PTPRJ: variants seen among roughly 807,000 people sequenced by gnomAD.
PTPRJ encodes the protein protein tyrosine phosphatase receptor type J.
PTPRJ carries 129 observed loss-of-function variants against 141.3 expected under a neutral mutation model. The observed-to-expected ratio is 0.91, with a 90% CI of 0.79 to 1.06. The LOEUF (loss-of-function observed/expected upper bound fraction) is 1.06, where lower values mean the gene tolerates loss of function less well. Ranked by LOEUF, PTPRJ falls within the 50% of genes least tolerant of loss-of-function variation. The pLI is 0.00. For synonymous variants in PTPRJ, 610 were observed against 640.5 expected, an observed-to-expected ratio of 0.95 and a Z score of 0.72; for missense variants, 1,601 against 1,679.7, an observed-to-expected ratio of 0.95 and a Z score of 0.82.
intron 8 of PTPRJ, among the ~76,000 whole-genome samples, chr11:48,135,391 G>A (rs1013937575): frequency 2.0e-5 from 3 of 151,308 alleles, no homozygotes; most frequent in Non-Finnish European, 2.9e-5. Flanking sequence ...TGGTCAGGCT[G>A]GTCTCAAACT....
At chr11:48,058,350 G>A (rs1008095891) in intron 1 of PTPRJ, among the ~76,000 whole-genome samples, 1 of 152,064 alleles carries the variant, frequency 6.6e-6, no homozygotes, top group Non-Finnish European at 1.5e-5. Context: ...GACTACAGAT[G>A]TGTACCATCA....
At chr11:47,999,863 C>CTTCTTTTTTTTTT (rs1465503815) in intron 1 of PTPRJ, among the ~76,000 whole-genome samples, 1 of 136,282 alleles carries the variant, frequency 7.3e-6, no homozygotes, top group African/African-American at 3.0e-5. Context: ...CGAGATTCTT[C>CTTCTTTTTTTTTT]TTTTTTTTTT....
intron 24 of PTPRJ, among the ~76,000 whole-genome samples, chr11:48,165,647 GGTT>G (rs1490997286): frequency 2.0e-5 from 3 of 152,166 alleles, no homozygotes; most frequent in Non-Finnish European, 4.4e-5. Flanking sequence ...TGAGCTTGGT[GGTT>G]GTTGTGGAAA....
chr11:48,146,765 A>G, intron 14 of PTPRJ, 111 bp from the exon 15 acceptor site: 2 of 782,140 alleles, frequency 2.6e-6, no homozygotes, highest in Non-Finnish European at 4.6e-6. Context: ...ATGTGTGTGT[A>G]TGGTATACAC....
rs538460353 is a variant in PTPRJ at position 48,158,543 on chromosome 11, C to T, written c.3439-1387C>T. ...TAAGAGGCTGAGCTGGGAATCAACTCCATGTCAGTGTGTATCCAGATCCTG... is the reference window on the plus strand; with the variant it reads ...TAAGAGGCTGAGCTGGGAATCAACTTCATGTCAGTGTGTATCCAGATCCTG... On this transcript the variant is annotated intron_variant, in intron 21 of 24. Coordinates refer to ENST00000418331, the MANE Select transcript of PTPRJ (RefSeq NM_002843.4). This position sits in a 1 kb window ranked among gnomAD's most constrained non-coding sequence, Gnocchi z 4.4. Among the ~76,000 whole-genome samples the T allele has an allele frequency of 6.6e-6, 1 of 152,264 alleles. No individual in the cohort carries two copies. The highest frequency in any genetic ancestry group is 6.5e-5 in the Admixed American group (1 of 15,294).
chr11:47,980,677 C>T lies in PTPRJ; in HGVS notation c.-236C>T. The T allele has an allele frequency of 7.1e-6, 7 of 988,200 alleles. No individual in the cohort carries two copies. Among genetic ancestry groups the T allele is most frequent in the Non-Finnish European group, 8.4e-6 (7 of 833,096 alleles). The allele number at this position is 988,200 out of a possible 1,614,324, so 61.2% of individuals were successfully genotyped here. A position where few individuals can be genotyped will look rare whatever the true frequency, so the allele number is the denominator to read the frequency against. ...CCGCCCCGCGAAGCCCCTGCGCGCT[C>T]AGGGACGCGGCCCCCCCGCGGCAGC... On this transcript the variant is annotated 5_prime_UTR_variant, in exon 1 of 25. Coordinates refer to ENST00000418331, the MANE Select transcript of PTPRJ (RefSeq NM_002843.4).
chr11:48,006,774 C>T (rs1342076466), intron 1 of PTPRJ, among the ~76,000 whole-genome samples: 2 of 152,160 alleles, frequency 1.3e-5, no homozygotes, highest in Non-Finnish European at 1.5e-5. Context: ...CACTGACTTG[C>T]AGCTTGCCTG....
intron 13 of PTPRJ, 21 bp downstream of exon 13, chr11:48,144,906 C>A: frequency 6.2e-7 from 1 of 1,613,948 alleles, no homozygotes; most frequent in Non-Finnish European, 8.5e-7. Context: ...CTGGTTCTTA[C>A]TCTTTGGGGG....
At chr11:48,092,168 G>A (rs1356900172) in intron 1 of PTPRJ, among the ~76,000 whole-genome samples, 4 of 151,690 alleles carry the variant, frequency 2.6e-5, no homozygotes, top group Admixed American at 6.6e-5. Context: ...GGTGGTGCAT[G>A]CCTGTAATCC....
chr11:47,980,615 C>CCGGGTAGCCGCGCG lies in PTPRJ; in HGVS notation c.-296_-283dup. On this transcript the variant is annotated 5_prime_UTR_variant, in exon 1 of 25. An upstream open reading frame in the 5' UTR gains an earlier in-frame stop. Transcript: ENST00000418331. ...GCGGGAGCAGCCGCGGGAGCCGGGA[C>CCGGGTAGCCGCGCG]CGGGTAGCCGCGCGCTGGGGGTGGG... The CCGGGTAGCCGCGCG allele has an allele frequency of 5.1e-6, 5 of 983,532 alleles. No homozygotes were observed. The highest frequency in any genetic ancestry group is 6.0e-6 in the Non-Finnish European group (5 of 829,616). 60.9% of individuals were successfully genotyped at this position (983,532 alleles called of 1,614,324 possible).
chr11:47,983,771 A>G (rs1214010868), intron 1 of PTPRJ, among the ~76,000 whole-genome samples: 1 of 152,154 alleles, frequency 6.6e-6, no homozygotes, highest in African/African-American at 2.4e-5. Flanking sequence ...TCTTTAAGAA[A>G]TCAGCTTGAT....
intron 16 of PTPRJ, 200 bp downstream of exon 16, chr11:48,149,688 T>C: frequency 3.7e-6 from 2 of 535,772 alleles, no homozygotes; most frequent in Admixed American, 7.9e-5. Flanking sequence ...TTCCTTGTCA[T>C]GTTCTACTCT....
chr11:48,128,144 C>G (rs1306455756), intron 7 of PTPRJ, 101 bp downstream of exon 7: 1 of 1,408,538 alleles, frequency 7.1e-7, no homozygotes, highest in East Asian at 2.3e-5. Context: ...TGTTGGCTGA[C>G]CACACGCCAA....
At chr11:48,020,038 C>T (rs1329852812) in intron 1 of PTPRJ, among the ~76,000 whole-genome samples, 1 of 152,114 alleles carries the variant, frequency 6.6e-6, no homozygotes, top group Non-Finnish European at 1.5e-5. Flanking sequence ...TTCTGAGATC[C>T]CTGTTTCTAT....
chr11:48,090,323 G>GAGGAAGT (rs1036345143), intron 1 of PTPRJ, among the ~76,000 whole-genome samples: 1 of 152,278 alleles, frequency 6.6e-6, no homozygotes, highest in South Asian at 2.1e-4. Context: ...AGGCTTCAGG[G>GAGGAAGT]AGGAAGTAGG....
rs1353153941 is a variant in PTPRJ at position 48,169,176 on chromosome 11, G to T, written c.*1814G>T. 1 of 152,192 alleles carries T rather than the reference G, an allele frequency of 6.6e-6. No homozygotes were observed. Among genetic ancestry groups the T allele is most frequent in the East Asian group, 1.9e-4 (1 of 5,200 alleles). The allele number at this position is 152,192 out of a possible 1,614,324, so 9.4% of individuals were successfully genotyped here. On this transcript the variant is annotated 3_prime_UTR_variant, in exon 25 of 25. Coordinates refer to ENST00000418331, the MANE Select transcript of PTPRJ (RefSeq NM_002843.4). ...GGCTGTGGTTCGGAGGGTTAGTGCT[G>T]TATGCCTTTTATTTCCCTTTCCCTT... is the stretch of plus-strand genomic sequence containing the variant.
At chr11:48,142,000 G>A (rs1857242057) in intron 11 of PTPRJ, among the ~76,000 whole-genome samples, 1 of 149,254 alleles carries the variant, frequency 6.7e-6, no homozygotes, top group Admixed American at 6.7e-5. Context: ...TTTAAGGCTT[G>A]AATCTATTCA....
chr11:47,992,835 A>G (rs574130856), intron 1 of PTPRJ, among the ~76,000 whole-genome samples: 52 of 152,240 alleles, frequency 3.4e-4, no homozygotes, highest in Non-Finnish European at 1.8e-4. Context: ...TTTCAGTTAT[A>G]TATGTGCGCA....
intron 14 of PTPRJ, among the ~76,000 whole-genome samples, chr11:48,145,357 C>T (rs1249375582): frequency 6.6e-6 from 1 of 152,156 alleles, no homozygotes; most frequent in Non-Finnish European, 1.5e-5. Flanking sequence ...AGTTGTTCTT[C>T]CAATCTGCAA....
Sources: gnomAD v4.1 joint callset for allele counts (sites outside exome capture counted in the v4.1 genomes callset) on GRCh38, gnomAD v4.1.1 for gene constraint, Gnocchi (gnomAD v3.1) non-coding constraint, MANE v1.5 for transcripts, NCBI Gene and HGNC (gene_info 2026-07-23, HGNC 2026-07-21) for gene names.